Variants in PCDHA1 observed in about 807,000 individuals in gnomAD.
The protein encoded by PCDHA1 is protocadherin alpha 1, also known as protocadherin alpha-1.
Under a neutral mutation model 61.3 loss-of-function variants are expected in PCDHA1, and 42 were observed. The ratio of observed to expected loss-of-function variants is 0.69; its 90% CI spans 0.54 to 0.89. The LOEUF is 0.89. Ranked by LOEUF, PCDHA1 falls within the 40% of genes least tolerant of loss-of-function variation. The pLI, the probability that PCDHA1 is intolerant of heterozygous loss-of-function variation, is 0.00. For missense variants in PCDHA1, 1,256 were observed against 1,235.3 expected, an observed-to-expected ratio of 1.02 and a Z score of -0.25; for synonymous variants, 610 against 553.8, an observed-to-expected ratio of 1.10 and a Z score of -1.43.
chr5:140,841,934 G>T lies in PCDHA1; in HGVS notation c.2394+53250G>T, dbSNP rs1281777181. 5 of 1,613,780 alleles carry T rather than the reference G, an allele frequency of 3.1e-6. No individual in the cohort carries two copies. In the African/African-American group the frequency reaches 6.7e-5, roughly 22 times the overall value. ...AAGAAAATCCTTGGACAGAGAGGAC[G>T]CTCCTGCGCACCACTTATTCCTGAC... On this transcript the variant is annotated intron_variant, in intron 1 of 3. Transcript: ENST00000504120.
At chr5:140,923,983 T>C (rs1180891950) in intron 1 of PCDHA1, among the ~76,000 whole-genome samples, 1 of 152,220 alleles carries the variant, frequency 6.6e-6, no homozygotes, top group African/African-American at 2.4e-5. Context: ...ACTATCCCTC[T>C]AGGTGCAGCT....
Position 140,876,427 on chromosome 5 carries a change from C to T in PCDHA1, c.2394+87743C>T, listed in dbSNP as rs267600399. 4 of 1,613,798 alleles carry T rather than the reference C, an allele frequency of 2.5e-6. No homozygotes were observed. The African/African-American group carries it at 5.3e-5, about 22-fold the overall frequency. On this transcript the variant is annotated intron_variant, in intron 1 of 3. Coordinates refer to ENST00000504120, the MANE Select transcript of PCDHA1 (RefSeq NM_018900.4). ...TGAAGAGAATAATGCCTATGAAATT[C>T]AGGTTAACGCCATTGATAAAGGGAT...
intron 1 of PCDHA1, among the ~76,000 whole-genome samples, chr5:140,832,431 A>AT (rs1176475006): frequency 6.6e-6 from 1 of 152,192 alleles, no homozygotes; most frequent in Non-Finnish European, 1.5e-5. Flanking sequence ...GTACATGATA[A>AT]TTTTTAAGCG....
chr5:140,843,840 A>G, intron 1 of PCDHA1: 2 of 1,049,820 alleles, frequency 1.9e-6, no homozygotes, highest in South Asian at 1.6e-5. Flanking sequence ...TTTAGTTTTT[A>G]GAAACCTTTT....
At chr5:140,928,844 C>A (rs782361945) in intron 1 of PCDHA1, 9 of 1,614,168 alleles carry the variant, frequency 5.6e-6, no homozygotes, top group Non-Finnish European at 7.6e-6. Context: ...TCCTCTGTCA[C>A]TCTGGGTGTG....
At chr5:140,821,936 A>G (rs1197810699) in intron 1 of PCDHA1, 1 of 1,614,162 alleles carries the variant, frequency 6.2e-7, no homozygotes, top group Non-Finnish European at 8.5e-7. Flanking sequence ...CTAGGGCTGG[A>G]GCTGGCGGAG....
Position 141,009,631 on chromosome 5 carries a change from A to G in PCDHA1, c.2547A>G (p.Pro849=). 6.2e-7 allele frequency: 1 copy of G among 1,613,068 alleles called. No individual in the cohort carries two copies. The highest frequency in any genetic ancestry group is 8.5e-7 in the Non-Finnish European group (1 of 1,179,354). The change falls in exon 4 of 4, where the codon CCA becomes CCG. Residue 849 remains proline (P), a synonymous_variant. Transcript: ENST00000504120. ...WPTVSSATPE[P]EAGEVSPPVG... is the part of the protein sequence containing the mutation. ...TTGTAATGTTTTGTCTTTCAGAACC[A>G]GAGGCAGGAGAAGTGTCCCCTCCAG...
At chr5:140,824,937 T>C (rs1164834438) in intron 1 of PCDHA1, 1 of 152,184 alleles carries the variant, frequency 6.6e-6, no homozygotes, top group African/African-American at 2.4e-5. Flanking sequence ...ATTTGATAAT[T>C]GTAATTTAAA....
chr5:140,929,167 T>G (rs781804558), intron 1 of PCDHA1: 2 of 1,614,144 alleles, frequency 1.2e-6, no homozygotes, highest in Non-Finnish European at 1.7e-6. Context: ...CTATCGGGCC[T>G]CTCTGGGACT....
rs140634296 is a variant in PCDHA1 at position 140,850,279 on chromosome 5, G to T, written c.2394+61595G>T. Reference sequence around the variant, plus strand: ...GCCGGCGTAGTGGTGGGGAAGGTGCGCGCAGTGGACGCCGACTCGGGCTAC... The same window carrying T: ...GCCGGCGTAGTGGTGGGGAAGGTGCTCGCAGTGGACGCCGACTCGGGCTAC... On this transcript the variant is annotated intron_variant, in intron 1 of 3. Transcript: ENST00000504120. The T allele has an allele frequency of 5.0e-6, 8 of 1,595,454 alleles. 2 individuals are homozygous for T. The highest frequency in any genetic ancestry group is 1.1e-5 in the South Asian group (1 of 90,466).
In PCDHA1 at chr5:140,858,202, A is replaced by C. The variant is rs782325182; in HGVS notation, c.2394+69518A>C. On this transcript the variant is annotated intron_variant, in intron 1 of 3. Transcript: ENST00000504120. The stretch of plus-strand genomic sequence containing the variant: ...TGCTCACGCTGCTGCTGTACACTGC[A>C]CTGAGGTGCTCGGCGGCGCCCACCG... The C allele has an allele frequency of 1.9e-6, 3 of 1,596,904 alleles. No homozygotes were observed. In the East Asian group the frequency reaches 6.7e-5, roughly 36 times the overall value.
At chr5:140,876,324 T>A in intron 1 of PCDHA1, 1 of 1,614,000 alleles carries the variant, frequency 6.2e-7, no homozygotes, top group Non-Finnish European at 8.5e-7. Context: ...TCAAAATGAT[T>A]TTGCCAGTGA....
At chr5:140,850,426 G>T (rs2150483795) in intron 1 of PCDHA1, 2 of 1,597,836 alleles carry the variant, frequency 1.3e-6, no homozygotes, top group Non-Finnish European at 1.7e-6. Flanking sequence ...GACGCACCGC[G>T]CCAGCGCCTA....
intron 1 of PCDHA1, among the ~76,000 whole-genome samples, chr5:140,886,246 A>G (rs1337527671): frequency 1.3e-5 from 2 of 152,144 alleles, no homozygotes; most frequent in Admixed American, 1.3e-4. Flanking sequence ...AAATAAATAA[A>G]AGTATCTCTA....
intron 1 of PCDHA1, chr5:140,809,824 C>A: frequency 2.6e-6 from 1 of 381,262 alleles, no homozygotes; most frequent in Non-Finnish European, 4.6e-6. Context: ...TATATTCACC[C>A]TCTTTGTTTT....
intron 1 of PCDHA1, chr5:140,864,534 T>A (rs1554158965): frequency 6.6e-6 from 1 of 152,246 alleles, no homozygotes; most frequent in Non-Finnish European, 1.5e-5. Flanking sequence ...TTAATTTTTG[T>A]CTTCAATCTT....
chr5:140,926,799 T>A, intron 1 of PCDHA1: 2 of 1,456,322 alleles, frequency 1.4e-6, no homozygotes, highest in Non-Finnish European at 1.8e-6. Flanking sequence ...GAGCGTGCTC[T>A]TCCCCGCGGC....
At chr5:140,939,281 G>C (rs1554212652) in intron 1 of PCDHA1, among the ~76,000 whole-genome samples, 1 of 152,014 alleles carries the variant, frequency 6.6e-6, no homozygotes. Context: ...CTGTGCCCTC[G>C]TGATCTAATC....
chr5:140,968,301 A>G (rs886575781), intron 1 of PCDHA1: 9 of 1,613,914 alleles, frequency 5.6e-6, no homozygotes, highest in Non-Finnish European at 7.6e-6. Flanking sequence ...CTGGAGAGGG[A>G]GATTCAAGGG....
Sources: gnomAD v4.1 joint callset for allele counts (sites outside exome capture counted in the v4.1 genomes callset) on GRCh38, gnomAD v4.1.1 for gene constraint, MANE v1.5 for transcripts, NCBI Gene and HGNC (gene_info 2026-07-23, HGNC 2026-07-21) for gene names.